PUM1: variants seen among roughly 807,000 people sequenced by gnomAD.
PUM1 encodes the protein pumilio homolog 1.
In PUM1, 13 loss-of-function variants were observed where a neutral mutation model predicts 131.8. That is an observed-to-expected ratio of 0.10 (90% CI 0.06 to 0.16). The LOEUF is 0.16. PUM1 is among the 10% of genes least tolerant of loss of function. The pLI is 1.00. For synonymous variants in PUM1, 509 were observed against 556.5 expected, an observed-to-expected ratio of 0.91 and a Z score of 1.20; for missense variants, 961 against 1,512.4, an observed-to-expected ratio of 0.64 and a Z score of 6.05.
intron 21 of PUM1, among the ~76,000 whole-genome samples, chr1:30,935,078 A>G (rs953152903): frequency 2.0e-5 from 3 of 152,022 alleles, no homozygotes; most frequent in African/African-American, 7.3e-5. Flanking sequence ...ATCCCAAACC[A>G]CCACCATCTG....
intron 4 of PUM1, among the ~76,000 whole-genome samples, chr1:31,006,793 A>T (rs1232094481): frequency 6.6e-6 from 1 of 152,228 alleles, no homozygotes; most frequent in Non-Finnish European, 1.5e-5. Context: ...GCACTTCAAA[A>T]AATATTGAAG....
chr1:31,017,527 T>C (rs553383674), intron 3 of PUM1, among the ~76,000 whole-genome samples: 1 of 151,804 alleles, frequency 6.6e-6, no homozygotes, highest in African/African-American at 2.4e-5. Context: ...TTTTCTTCTT[T>C]TTTTTTTTTA....
chr1:30,968,573 T>C (rs1458235808), intron 10 of PUM1, 81 bp from the exon 11 acceptor site: 3 of 1,430,682 alleles, frequency 2.1e-6, no homozygotes, highest in Non-Finnish European at 2.8e-6. Context: ...TGGGTCAACT[T>C]TTAAAACTTA....
rs920291467 is a variant in PUM1, at chr1:31,046,490, T to G, written c.363+12714A>C. 1.1e-3 allele frequency among the ~76,000 whole-genome samples: 30 copies of G among 27,410 alleles called. No homozygotes were observed. The South Asian group carries it at 0.013, about 12-fold the overall frequency. 18.0% of individuals were successfully genotyped at this position (27,410 alleles called of 152,430 possible). On this transcript the variant is annotated intron_variant, in intron 2 of 21. Transcript: ENST00000426105. Reference sequence around the variant, plus strand: ...TAATAACTGCAGCGGGGTTTTTGGGTTTTTTTTTTTTGTTTTTTTGGTTTT... The same window carrying G: ...TAATAACTGCAGCGGGGTTTTTGGGGTTTTTTTTTTTGTTTTTTTGGTTTT...
At chr1:31,012,552 TAAAAAAAAA>T (rs10666570) in intron 3 of PUM1, among the ~76,000 whole-genome samples, 4 of 119,186 alleles carry the variant, frequency 3.4e-5, no homozygotes, top group African/African-American at 1.2e-4. Context: ...TTATGAAAAG[TAAAAAAAAA>T]AAAAAAAAAA....
intron 5 of PUM1, among the ~76,000 whole-genome samples, chr1:31,003,507 A>C (rs1642289985): frequency 6.6e-6 from 1 of 152,180 alleles, no homozygotes; most frequent in Admixed American, 6.5e-5. Flanking sequence ...TTGTAATCCC[A>C]GCACTTTGGG....
chr1:31,005,617 T>C (rs1480709552), intron 5 of PUM1, among the ~76,000 whole-genome samples: 2 of 152,196 alleles, frequency 1.3e-5, no homozygotes, highest in Non-Finnish European at 2.9e-5. Context: ...CACAATACTA[T>C]CAATGTGTCC....
intron 21 of PUM1, among the ~76,000 whole-genome samples, chr1:30,933,621 T>C (rs1294587623): frequency 3.3e-5 from 5 of 152,162 alleles, no homozygotes; most frequent in Admixed American, 2.0e-4. Context: ...TGGGTGGCCA[T>C]GGGCCACTCC....
chr1:30,938,542 C>T (rs991018400), intron 20 of PUM1, among the ~76,000 whole-genome samples: 1 of 152,144 alleles, frequency 6.6e-6, no homozygotes, highest in Non-Finnish European at 1.5e-5. Flanking sequence ...TATGAGCTAC[C>T]GTCTCCAGCC....
chr1:31,025,128 A>G (rs1008752208), intron 3 of PUM1, among the ~76,000 whole-genome samples: 3 of 152,224 alleles, frequency 2.0e-5, no homozygotes, highest in Non-Finnish European at 2.9e-5. Context: ...TAGGAAGCAC[A>G]TAAAGCACTT....
intron 3 of PUM1, among the ~76,000 whole-genome samples, chr1:31,014,065 G>A (rs1642720140): frequency 6.6e-6 from 1 of 152,094 alleles, no homozygotes; most frequent in African/African-American, 2.4e-5. Context: ...ACTTTGGGAG[G>A]TGAGGCAGGA....
chr1:31,047,417 T>TTG (rs1643995910), intron 2 of PUM1, among the ~76,000 whole-genome samples: 2 of 152,234 alleles, frequency 1.3e-5, no homozygotes, highest in Admixed American at 1.3e-4. Context: ...TGGCACTATG[T>TTG]TGTCAGTTCT....
intron 10 of PUM1, among the ~76,000 whole-genome samples, chr1:30,974,171 C>A (rs1376463478): frequency 6.6e-6 from 1 of 151,840 alleles, no homozygotes; most frequent in Non-Finnish European, 1.5e-5. Flanking sequence ...TTGCAGTTTA[C>A]CGTCCTTTCT....
intron 7 of PUM1, among the ~76,000 whole-genome samples, chr1:30,984,544 G>A (rs1641474058): frequency 6.6e-6 from 1 of 152,194 alleles, no homozygotes; most frequent in Admixed American, 6.5e-5. Context: ...ATTCACTTGG[G>A]TAGATTTCAC....
chr1:30,998,026 CTGAATAAGCTATTGA>C (rs1642047354), intron 5 of PUM1, among the ~76,000 whole-genome samples: 1 of 152,226 alleles, frequency 6.6e-6, no homozygotes, highest in Non-Finnish European at 1.5e-5. Context: ...GTTTTCTACT[CTGAATAAGCTATTGA>C]TGCCTAACCA....
At chr1:31,027,346 T>C (rs1004428989) in intron 3 of PUM1, among the ~76,000 whole-genome samples, 3 of 152,178 alleles carry the variant, frequency 2.0e-5, no homozygotes, top group African/African-American at 7.2e-5. Context: ...AGCTTAGAAT[T>C]ATAGGAGTAA....
chr1:30,947,448 TAAATGAAATGGCCAG>T (rs1639724731), intron 17 of PUM1, among the ~76,000 whole-genome samples: 2 of 152,120 alleles, frequency 1.3e-5, no homozygotes, highest in Non-Finnish European at 2.9e-5. Context: ...ACAAAGGAAG[TAAATGAAATGGCCAG>T]AAACTGAGTC....
At chr1:31,049,478 T>G (rs990393518) in intron 2 of PUM1, among the ~76,000 whole-genome samples, 3 of 150,780 alleles carry the variant, frequency 2.0e-5, no homozygotes, top group Non-Finnish European at 2.9e-5. Context: ...ATCGCGCCAT[T>G]GCACTCCAGC....
At chr1:31,011,170 C>T (rs1460526822) in intron 3 of PUM1, among the ~76,000 whole-genome samples, 1 of 98,688 alleles carries the variant, frequency 1.0e-5, no homozygotes, top group East Asian at 8.6e-4. Context: ...AAAATACACA[C>T]ACACACACAC....
Sources: gnomAD v4.1 joint callset for allele counts (sites outside exome capture counted in the v4.1 genomes callset) on GRCh38, gnomAD v4.1.1 for gene constraint, MANE v1.5 for transcripts, NCBI Gene and HGNC (gene_info 2026-07-23, HGNC 2026-07-21) for gene names.